The following SLC14A2 variants were observed in gnomAD, a reference collection of about 807,000 sequenced individuals.
SLC14A2 encodes urea transporter 2.
A neutral mutation model predicts 104.6 loss-of-function variants in SLC14A2; 91 were observed. That is an observed-to-expected ratio of 0.87 (90% CI 0.73 to 1.04). The LOEUF (loss-of-function observed/expected upper bound fraction) is 1.04. Ranked by LOEUF, SLC14A2 falls within the 50% of genes least tolerant of loss-of-function variation. The pLI is 0.00. For synonymous variants in SLC14A2, 476 were observed against 466.4 expected (o/e 1.02, Z -0.27); for missense variants, 1,189 against 1,156.0 (o/e 1.03, Z -0.41).
intron 2 of SLC14A2, among the ~76,000 whole-genome samples, chr18:45,533,909 T>TAAATC (rs1238314965): frequency 3.9e-5 from 6 of 152,182 alleles, no homozygotes; most frequent in Non-Finnish European, 5.9e-5. Flanking sequence ...TTCTAATGAC[T>TAAATC]AAATCTGGCT....
intron 1 of SLC14A2, among the ~76,000 whole-genome samples, chr18:45,375,740 A>G (rs900030102): frequency 6.6e-6 from 1 of 152,220 alleles, no homozygotes; most frequent in Non-Finnish European, 1.5e-5. Flanking sequence ...AACCACCAGC[A>G]TTGAGGAATT....
intron 2 of SLC14A2, among the ~76,000 whole-genome samples, chr18:45,508,769 C>T (rs2043322554): frequency 6.6e-6 from 1 of 152,196 alleles, no homozygotes; most frequent in South Asian, 2.1e-4. Context: ...CCCAGTCCCT[C>T]AACTGGACTT....
chr18:45,675,579 A>C (rs914500737), intron 18 of SLC14A2, among the ~76,000 whole-genome samples: 3 of 151,204 alleles, frequency 2.0e-5, no homozygotes, highest in Admixed American at 6.6e-5. Context: ...CAGTGGCATG[A>C]TCACGGCTCA....
intron 2 of SLC14A2, among the ~76,000 whole-genome samples, chr18:45,512,084 T>C (rs1262594064): frequency 6.6e-6 from 1 of 152,038 alleles, no homozygotes; most frequent in East Asian, 1.9e-4. Context: ...CAAGCCCAAA[T>C]TGGAATAAAG....
At chr18:45,580,689 C>G (rs1021967202) in intron 2 of SLC14A2, among the ~76,000 whole-genome samples, 1 of 152,066 alleles carries the variant, frequency 6.6e-6, no homozygotes, top group African/African-American at 2.4e-5. Context: ...ATGCTCTGAG[C>G]CCCATTTTAA....
intron 2 of SLC14A2, among the ~76,000 whole-genome samples, chr18:45,485,868 AACCTAG>A (rs1021942841): frequency 1.6e-4 from 24 of 152,202 alleles, no homozygotes; most frequent in African/African-American, 5.8e-4. Flanking sequence ...AGCTATAGTC[AACCTAG>A]ACCTCAACAC....
intron 2 of SLC14A2, among the ~76,000 whole-genome samples, chr18:45,521,219 C>T (rs1233061765): frequency 6.6e-6 from 1 of 152,238 alleles, no homozygotes. Flanking sequence ...TTTGCTTCTA[C>T]ATCATCTTGA....
intron 1 of SLC14A2, among the ~76,000 whole-genome samples, chr18:45,459,668 C>G (rs1178267800): frequency 2.6e-5 from 4 of 152,184 alleles, no homozygotes; most frequent in Non-Finnish European, 5.9e-5. Flanking sequence ...AAAGCACACA[C>G]AGAATCGGGA....
intron 1 of SLC14A2, among the ~76,000 whole-genome samples, chr18:45,374,223 C>A (rs2144361393): frequency 6.6e-6 from 1 of 152,334 alleles, no homozygotes; most frequent in South Asian, 2.1e-4. Context: ...TGTCTCCATG[C>A]TGTCCAAAGT....
intron 1 of SLC14A2, among the ~76,000 whole-genome samples, chr18:45,442,277 C>A (rs924223404): frequency 6.6e-6 from 1 of 152,146 alleles, no homozygotes. Context: ...CACAAAGTGC[C>A]GCAAACTGGA....
intron 1 of SLC14A2, among the ~76,000 whole-genome samples, chr18:45,344,101 G>A (rs983110572): frequency 2.0e-5 from 3 of 152,136 alleles, no homozygotes; most frequent in Admixed American, 1.3e-4. Flanking sequence ...GTTAGAATTT[G>A]TCACAATCAT....
chr18:45,558,458 T>C (rs930563202), intron 2 of SLC14A2, among the ~76,000 whole-genome samples: 1 of 152,166 alleles, frequency 6.6e-6, no homozygotes, highest in East Asian at 1.9e-4. Flanking sequence ...GAGGGCCATG[T>C]GGGAGCTCAT....
At chr18:45,573,972 T>C (rs1432660070) in intron 2 of SLC14A2, among the ~76,000 whole-genome samples, 3 of 152,310 alleles carry the variant, frequency 2.0e-5, no homozygotes, top group Middle Eastern at 3.4e-3. Flanking sequence ...TAGAGAAAAA[T>C]ATGTATTCAC....
Position 45,636,040 on chromosome 18 carries a change from G to T in SLC14A2, c.651-950G>T, listed in dbSNP as rs1026605885. 3.9e-5 allele frequency among the ~76,000 whole-genome samples: 6 copies of T among 152,340 alleles called. 1 individual carries two copies. The highest frequency in any genetic ancestry group is 6.5e-5 in the Admixed American group (1 of 15,302). On this transcript the variant is annotated intron_variant, in intron 5 of 19. Coordinates refer to ENST00000255226, the MANE Select transcript of SLC14A2 (RefSeq NM_007163.4). ...TTTCTTAATGAAGTAAAGCCAGGTG[G>T]TTGGCGGAGGCTAAAGGGAAGCAGA...
At chr18:45,643,621 C>A (rs1432449591) in intron 9 of SLC14A2, among the ~76,000 whole-genome samples, 1 of 152,194 alleles carries the variant, frequency 6.6e-6, no homozygotes, top group East Asian at 1.9e-4. Flanking sequence ...CAGCTCCAAC[C>A]TCCCAGGACT....
intron 1 of SLC14A2, among the ~76,000 whole-genome samples, chr18:45,469,081 A>C (rs1170371571): frequency 6.6e-6 from 1 of 152,168 alleles, no homozygotes; most frequent in Non-Finnish European, 1.5e-5. Flanking sequence ...CCCTTGAAGC[A>C]GGATTTGGAT....
chr18:45,445,106 CTTTTT>C (rs34188378), intron 1 of SLC14A2, among the ~76,000 whole-genome samples: 3 of 94,730 alleles, frequency 3.2e-5, no homozygotes, highest in South Asian at 7.6e-4. Context: ...AATTGACATG[CTTTTT>C]TTTTTTTTTT....
At chr18:45,487,307 A>G (rs2087625324) in intron 2 of SLC14A2, among the ~76,000 whole-genome samples, 1 of 152,232 alleles carries the variant, frequency 6.6e-6, no homozygotes. Flanking sequence ...CAGCCAAGAA[A>G]GGTTTTCCAC....
intron 1 of SLC14A2, among the ~76,000 whole-genome samples, chr18:45,382,983 T>G (rs1055002574): frequency 1.3e-5 from 2 of 152,164 alleles, no homozygotes; most frequent in African/African-American, 4.8e-5. Context: ...TTGAGAAGGA[T>G]TCTAAGTGTT....
Sources: allele counts gnomAD v4.1 joint callset (sites outside exome capture counted in the v4.1 genomes callset), GRCh38; gene constraint gnomAD v4.1.1; transcripts MANE v1.5; gene names NCBI Gene and HGNC (gene_info 2026-07-23, HGNC 2026-07-21).